RNF180: variants seen among roughly 807,000 people sequenced by gnomAD.
The protein encoded by RNF180 is E3 ubiquitin-protein ligase RNF180.
RNF180 carries 38 observed loss-of-function variants against 59.2 expected under a neutral mutation model. The ratio of observed to expected loss-of-function variants is 0.64; its 90% confidence interval spans 0.50 to 0.84. The LOEUF is 0.84. RNF180 is among the 40% of genes least tolerant of loss of function. The probability of loss-of-function intolerance (pLI) is 0.00; values close to 1 mark genes in which losing one functional copy is unlikely to be tolerated. For missense variants in RNF180, 705 were observed against 700.9 expected (o/e 1.01, Z -0.07); for synonymous variants, 262 against 240.3 (o/e 1.09, Z -0.84).
At chr5:64,173,160 T>G (rs1464004051) in intron 1 of RNF180, among the ~76,000 whole-genome samples, 1 of 152,158 alleles carries the variant, frequency 6.6e-6, no homozygotes, top group Non-Finnish European at 1.5e-5. Flanking sequence ...TTAATTAAGG[T>G]TTTTATTTTC....
intron 7 of RNF180, among the ~76,000 whole-genome samples, chr5:64,335,767 A>G (rs943063186): frequency 3.9e-5 from 6 of 152,242 alleles, no homozygotes; most frequent in Admixed American, 3.9e-4. Flanking sequence ...TCTTCCATAT[A>G]AATTTTTAAA....
chr5:64,209,093 C>T (rs72769849), intron 2 of RNF180, among the ~76,000 whole-genome samples: 11,794 of 151,984 alleles, frequency 0.078, 630 homozygotes, highest in South Asian at 0.16. Flanking sequence ...TTTTATATGG[C>T]ATAAGAGGCA....
intron 5 of RNF180, among the ~76,000 whole-genome samples, chr5:64,300,151 T>C (rs940242040): frequency 8.6e-5 from 13 of 151,710 alleles, no homozygotes; most frequent in African/African-American, 2.7e-4. Context: ...AGTGCTTCTT[T>C]TAAGTGAAAA....
chr5:64,320,907 G>A (rs563967256), intron 5 of RNF180, among the ~76,000 whole-genome samples: 12 of 152,042 alleles, frequency 7.9e-5, no homozygotes, highest in East Asian at 1.9e-4. Flanking sequence ...GCGAGGTGGC[G>A]GGCACCTGTA....
chr5:64,269,604 G>A (rs935113889), intron 5 of RNF180, among the ~76,000 whole-genome samples: 1 of 152,082 alleles, frequency 6.6e-6, no homozygotes, highest in South Asian at 2.1e-4. Context: ...TGCTATGTTT[G>A]TCTGAGATAA....
rs928523515 is a variant in RNF180 at position 64,266,018 on chromosome 5, G to A, written c.1227+48622G>A. Among the ~76,000 whole-genome samples, 15 of 152,172 alleles carry A rather than the reference G, an allele frequency of 9.9e-5. No homozygotes were observed. The East Asian group carries it at 2.7e-3, about 27-fold the overall frequency. ...GAGTTCACTCATGATTTGGCTCACT[G>A]TTTGTCTATTATTGGTGTATAAGAA... On this transcript the variant is annotated intron_variant, in intron 5 of 7. Coordinates refer to ENST00000389100, the MANE Select transcript of RNF180 (RefSeq NM_001113561.2).
At chr5:64,249,833 TA>T (rs1225889948) in intron 5 of RNF180, among the ~76,000 whole-genome samples, 1 of 152,106 alleles carries the variant, frequency 6.6e-6, no homozygotes, top group African/African-American at 2.4e-5. Flanking sequence ...AAGTAAATAT[TA>T]ACAGATCAAG....
At chr5:64,271,009 T>G (rs1741366355) in intron 5 of RNF180, among the ~76,000 whole-genome samples, 1 of 152,034 alleles carries the variant, frequency 6.6e-6, no homozygotes, top group Admixed American at 6.6e-5. Context: ...CCTACTAGAG[T>G]TGAAGAAAAC....
At chr5:64,260,113 A>G (rs754572276) in intron 5 of RNF180, among the ~76,000 whole-genome samples, 13 of 152,334 alleles carry the variant, frequency 8.5e-5, no homozygotes, top group South Asian at 8.3e-4. Flanking sequence ...GTACGTATCT[A>G]TAGGCACATA....
intron 5 of RNF180, among the ~76,000 whole-genome samples, chr5:64,245,120 A>G (rs575844522): frequency 6.6e-6 from 1 of 152,322 alleles, no homozygotes; most frequent in Non-Finnish European, 1.5e-5. Flanking sequence ...AACTGGTACC[A>G]GCCGCTGCAA....
chr5:64,263,522 A>C lies in RNF180; in HGVS notation c.1227+46126A>C, dbSNP rs190489847. Among the ~76,000 whole-genome samples, 66 of 152,262 alleles carry C rather than the reference A, an allele frequency of 4.3e-4. No homozygotes were observed. The East Asian group carries it at 0.01, about 24-fold the overall frequency. On this transcript the variant is annotated intron_variant, in intron 5 of 7. Coordinates refer to ENST00000389100, the MANE Select transcript of RNF180 (RefSeq NM_001113561.2). ...TGTGTTATTTTTTAACTTCCTTCAG[A>C]TTTTGCTTAGCTGTTTTGAAGTGAA...
chr5:64,187,534 C>G (rs984395632), intron 1 of RNF180, among the ~76,000 whole-genome samples: 5 of 152,184 alleles, frequency 3.3e-5, no homozygotes, highest in African/African-American at 1.2e-4. Flanking sequence ...TGTGGTCTCT[C>G]TCTCTGTAAT....
intron 3 of RNF180, 56 bp from the exon 4 acceptor site, chr5:64,213,502 C>A (rs1420057296): frequency 3.3e-6 from 5 of 1,497,430 alleles, no homozygotes; most frequent in East Asian, 2.3e-5. Context: ...AAAAAAATTT[C>A]TCTTCAGTTA....
At chr5:64,221,437 C>G (rs1029748338) in intron 5 of RNF180, among the ~76,000 whole-genome samples, 4 of 152,072 alleles carry the variant, frequency 2.6e-5, no homozygotes, top group African/African-American at 9.7e-5. Context: ...TTATTGCTCA[C>G]TCTACTTTGT....
intron 1 of RNF180, among the ~76,000 whole-genome samples, chr5:64,190,999 A>C (rs984902938): frequency 2.6e-5 from 4 of 152,228 alleles, no homozygotes; most frequent in African/African-American, 9.6e-5. Context: ...AGCAGCGTTG[A>C]TACTAAATTT....
intron 7 of RNF180, among the ~76,000 whole-genome samples, chr5:64,351,182 G>T (rs1160709222): frequency 1.3e-5 from 2 of 152,098 alleles, no homozygotes; most frequent in African/African-American, 4.8e-5. Context: ...TTGTGAATGG[G>T]AGTTCACTCA....
intron 3 of RNF180, 149 bp downstream of exon 3, chr5:64,212,309 C>A: frequency 1.6e-6 from 1 of 607,978 alleles, no homozygotes; most frequent in Non-Finnish European, 3.0e-6. Context: ...CTTCTTTTCT[C>A]CTTTCTCCGC....
At chr5:64,315,116 C>G (rs753467217) in intron 5 of RNF180, among the ~76,000 whole-genome samples, 10 of 152,140 alleles carry the variant, frequency 6.6e-5, no homozygotes, top group Admixed American at 1.3e-4. Context: ...TCTAACTCTT[C>G]TAAATGTTGA....
At chr5:64,338,328 T>A (rs958554055) in intron 7 of RNF180, among the ~76,000 whole-genome samples, 10 of 152,146 alleles carry the variant, frequency 6.6e-5, no homozygotes, top group African/African-American at 2.4e-4. Context: ...AATCATAGCA[T>A]CCTGATTTTA....
Sources: allele counts gnomAD v4.1 joint callset (sites outside exome capture counted in the v4.1 genomes callset), GRCh38; gene constraint gnomAD v4.1.1; transcripts MANE v1.5; gene names NCBI Gene and HGNC (gene_info 2026-07-23, HGNC 2026-07-21).